The following GRIK3 variants were observed in gnomAD, a reference collection of about 807,000 sequenced individuals.
GRIK3 encodes glutamate ionotropic receptor kainate type subunit 3.
In GRIK3, 29 loss-of-function variants were observed where a neutral mutation model predicts 102.5. The ratio of observed to expected loss-of-function variants is 0.28; its 90% confidence interval spans 0.21 to 0.39. The LOEUF (loss-of-function observed/expected upper bound fraction) is 0.39, where lower values mean the gene tolerates loss of function less well. GRIK3 is among the 10% of genes least tolerant of loss of function. GRIK3 has a pLI of 1.00. For missense variants in GRIK3, 908 were observed against 1,252.4 expected (o/e 0.73, Z 4.15); for synonymous variants, 511 against 504.9 (o/e 1.01, Z -0.16).
chr1:36,833,480 T>C (rs1219848214), intron 10 of GRIK3, among the ~76,000 whole-genome samples: 2 of 152,168 alleles, frequency 1.3e-5, no homozygotes, highest in East Asian at 1.9e-4. Context: ...GGGGGAGGGC[T>C]GGGCTCCACC....
At chr1:36,810,374 T>G (rs951327435) in intron 13 of GRIK3, among the ~76,000 whole-genome samples, 3 of 152,190 alleles carry the variant, frequency 2.0e-5, no homozygotes, top group Non-Finnish European at 4.4e-5. Flanking sequence ...CCAAATCAAC[T>G]AATGGAATCA....
intron 1 of GRIK3, among the ~76,000 whole-genome samples, chr1:36,929,055 T>C (rs1557428805): frequency 6.6e-6 from 1 of 152,190 alleles, no homozygotes; most frequent in Non-Finnish European, 1.5e-5. Context: ...GTACAGTTAT[T>C]CTTAGTTTCG....
chr1:36,820,813 C>G (rs1642688536), intron 11 of GRIK3, among the ~76,000 whole-genome samples: 1 of 152,020 alleles, frequency 6.6e-6, no homozygotes, highest in Admixed American at 6.5e-5. Flanking sequence ...ATATATATGA[C>G]AGGGAAAAAA....
chr1:36,798,965 G>A lies in GRIK3; in HGVS notation c.*2886C>T, dbSNP rs1642401484. ...CAATCCACATATATGCATAGCCTCTGAAGAACATGCTCATGTAGCATCACA... is the reference window on the plus strand; with the variant it reads ...CAATCCACATATATGCATAGCCTCTAAAGAACATGCTCATGTAGCATCACA... On this transcript the variant is annotated 3_prime_UTR_variant, in exon 16 of 16. Transcript: ENST00000373091. 1 of 152,212 alleles carries A rather than the reference G, an allele frequency of 6.6e-6. No individual in the cohort carries two copies. The highest frequency in any genetic ancestry group is 1.5e-5 in the Non-Finnish European group (1 of 68,048). 9.4% of individuals were successfully genotyped at this position (152,212 alleles called of 1,614,324 possible).
At chr1:36,976,489 T>C (rs756186318) in intron 1 of GRIK3, among the ~76,000 whole-genome samples, 1 of 152,104 alleles carries the variant, frequency 6.6e-6, no homozygotes, top group African/African-American at 2.4e-5. Context: ...CCCACTCAAA[T>C]TGTCCCCATC....
intron 1 of GRIK3, among the ~76,000 whole-genome samples, chr1:36,985,092 G>A (rs865965792): frequency 1.3e-5 from 2 of 152,154 alleles, no homozygotes; most frequent in African/African-American, 4.8e-5. Context: ...CTACGGTGGG[G>A]GTCCAGGCAT....
At chr1:37,015,341 T>A (rs1289028650) in intron 1 of GRIK3, among the ~76,000 whole-genome samples, 1 of 152,194 alleles carries the variant, frequency 6.6e-6, no homozygotes, top group East Asian at 1.9e-4. Flanking sequence ...GTAAGAGCCC[T>A]TATTTTATCC....
At chr1:36,847,978 C>A (rs1159239864) in intron 9 of GRIK3, among the ~76,000 whole-genome samples, 1 of 152,182 alleles carries the variant, frequency 6.6e-6, no homozygotes, top group Admixed American at 6.5e-5. Flanking sequence ...ACCTAGGAAC[C>A]AGCAGGATAC....
In GRIK3 at chr1:36,799,235, T is replaced by C. The variant is rs1449307813; in HGVS notation, c.*2616A>G. 2.0e-5 allele frequency: 3 copies of C among 152,248 alleles called. No individual in the cohort carries two copies. The highest frequency in any genetic ancestry group is 7.2e-5 in the African/African-American group (3 of 41,468). 9.4% of individuals were successfully genotyped at this position (152,248 alleles called of 1,614,324 possible). A position where few individuals can be genotyped will look rare whatever the true frequency, so the allele number is the denominator to read the frequency against. Reference sequence around the variant, plus strand: ...TTGTGCCCCCGTCTCCTGGCAAGTGTGCCCATGCAACCTTGGAACCTCTCT... The same window carrying C: ...TTGTGCCCCCGTCTCCTGGCAAGTGCGCCCATGCAACCTTGGAACCTCTCT... On this transcript the variant is annotated 3_prime_UTR_variant, in exon 16 of 16. Transcript: ENST00000373091.
intron 9 of GRIK3, among the ~76,000 whole-genome samples, chr1:36,846,376 T>G (rs933790338): frequency 6.6e-6 from 1 of 152,052 alleles, no homozygotes; most frequent in African/African-American, 2.4e-5. Context: ...GAGGGGAGAA[T>G]AGCAGGTAGG....
At chr1:36,892,296 T>G (rs909166527) in intron 1 of GRIK3, among the ~76,000 whole-genome samples, 8 of 152,182 alleles carry the variant, frequency 5.3e-5, no homozygotes, top group African/African-American at 1.7e-4. Context: ...GTGCTGGGAT[T>G]ACAGGTGTGA....
intron 10 of GRIK3, among the ~76,000 whole-genome samples, chr1:36,832,969 C>G (rs1464900059): frequency 5.3e-5 from 8 of 152,160 alleles, no homozygotes; most frequent in Admixed American, 5.2e-4. Context: ...TCCTCCGTGT[C>G]TTTATCACTA....
chr1:36,861,093 C>T (rs1434615811), intron 5 of GRIK3, among the ~76,000 whole-genome samples: 1 of 152,186 alleles, frequency 6.6e-6, no homozygotes, highest in Non-Finnish European at 1.5e-5. Flanking sequence ...AAGTCTTAGT[C>T]TATGCTCCCC....
chr1:36,854,102 A>G (rs1238930766), intron 7 of GRIK3, among the ~76,000 whole-genome samples: 1 of 152,200 alleles, frequency 6.6e-6, no homozygotes, highest in East Asian at 1.9e-4. Flanking sequence ...CAAAGGGCCA[A>G]GCTGGCCTTG....
At chr1:37,004,712 G>A (rs1055325866) in intron 1 of GRIK3, among the ~76,000 whole-genome samples, 1 of 152,232 alleles carries the variant, frequency 6.6e-6, no homozygotes, top group Non-Finnish European at 1.5e-5. Context: ...TCCAATGGAA[G>A]AGATGGCACA....
chr1:37,028,949 G>A (rs1287117662), intron 1 of GRIK3, among the ~76,000 whole-genome samples: 1 of 152,202 alleles, frequency 6.6e-6, no homozygotes, highest in Non-Finnish European at 1.5e-5. Context: ...AAAGCATTTG[G>A]CACAGTGCTT....
chr1:36,857,678 ACATT>A (rs1191919420), intron 7 of GRIK3, among the ~76,000 whole-genome samples: 2 of 152,158 alleles, frequency 1.3e-5, no homozygotes, highest in African/African-American at 4.8e-5. Context: ...TATCTTATCC[ACATT>A]TATTGTTCTA....
chr1:36,959,971 CTA>C (rs1641985363), intron 1 of GRIK3, among the ~76,000 whole-genome samples: 2 of 42,732 alleles, frequency 4.7e-5, no homozygotes, highest in African/African-American at 1.0e-4. Context: ...CCCTGTGAGT[CTA>C]TGCCCCATGA....
rs559362084 is a variant in GRIK3, at chr1:36,987,766, G to C, written c.115+46228C>G. On this transcript the variant is annotated intron_variant, in intron 1 of 15. Transcript: ENST00000373091. Reference sequence around the variant, plus strand: ...GGACCTCCACCGACAATAGCAGGAAGGTCACGACAGTGATAGATGGGCTGT... The same window carrying C: ...GGACCTCCACCGACAATAGCAGGAACGTCACGACAGTGATAGATGGGCTGT... Among the ~76,000 whole-genome samples the C allele has an allele frequency of 6.6e-5, 10 of 152,270 alleles. No individual in the cohort carries two copies. The East Asian group carries it at 1.9e-3, about 29-fold the overall frequency.
Sources: allele counts gnomAD v4.1 joint callset (sites outside exome capture counted in the v4.1 genomes callset), GRCh38; gene constraint gnomAD v4.1.1; transcripts MANE v1.5; gene names NCBI Gene and HGNC (gene_info 2026-07-23, HGNC 2026-07-21).